Variants in RPGRIP1L observed in about 807,000 individuals in gnomAD.
The protein encoded by RPGRIP1L is RPGRIP1 like.
In RPGRIP1L, 131 loss-of-function variants were observed where a neutral mutation model predicts 160.4. The observed-to-expected ratio is 0.82, with a 90% CI of 0.71 to 0.94. The LOEUF is 0.94. Ranked by LOEUF, RPGRIP1L falls within the 40% of genes least tolerant of loss-of-function variation. The pLI is 0.00. For synonymous variants in RPGRIP1L, 510 were observed against 515.8 expected (o/e 0.99, Z 0.15); for missense variants, 1,522 against 1,535.8 (o/e 0.99, Z 0.15).
Position 53,658,792 on chromosome 16 carries a change from G to T in RPGRIP1L, c.1330C>A (p.Arg444Ser). The T allele has an allele frequency of 6.2e-7, 1 of 1,601,898 alleles. No individual in the cohort carries two copies. Among genetic ancestry groups the T allele is most frequent in the Non-Finnish European group, 8.5e-7 (1 of 1,171,502 alleles). Residue 444 changes from arginine (R) to serine (S), a missense_variant, in exon 11 of 27, where the codon CGC (arginine) becomes AGC (serine). Arg to Ser is a moderately radical substitution (Grantham distance 110, BLOSUM62 -1). Coordinates refer to ENST00000647211, the MANE Select transcript of RPGRIP1L (RefSeq NM_015272.5). ...TTCACCTGGTTGTACAATTTTATGC[G>T]TTTTTTAAGTTCATCAAGTTGTTGC... The part of the protein sequence containing the change: ...QKQQLDELKK[R>S]IKLYNQENDI...
intron 24 of RPGRIP1L, among the ~76,000 whole-genome samples, chr16:53,617,461 A>T (rs1440796681): frequency 6.6e-6 from 1 of 152,188 alleles, no homozygotes; most frequent in East Asian, 1.9e-4. Flanking sequence ...GATGATTTCC[A>T]AGAAGCCTGA....
chr16:53,696,380 C>T (rs1970760920), intron 2 of RPGRIP1L, 85 bp from the exon 3 acceptor site: 1 of 1,383,820 alleles, frequency 7.2e-7, no homozygotes, highest in Non-Finnish European at 1.0e-6. Flanking sequence ...CTCTGATGCA[C>T]TCATCTGAGA....
intron 6 of RPGRIP1L, 76 bp from the exon 7 acceptor site, chr16:53,675,198 C>T (rs1052320176): frequency 1.1e-6 from 1 of 893,060 alleles, no homozygotes; most frequent in Non-Finnish European, 1.8e-6. Flanking sequence ...GGTGGAATCA[C>T]AATTTTTCAA....
Position 53,658,495 on chromosome 16 carries a change from A to G in RPGRIP1L, c.1351-31T>C, listed in dbSNP as rs772027880. Reference sequence around the variant, plus strand: ...ATAGATTAAGTAAAAGCTCACAATGAGTTATGAATGGAAAATACAAGAGAC... The same window carrying G: ...ATAGATTAAGTAAAAGCTCACAATGGGTTATGAATGGAAAATACAAGAGAC... On this transcript the variant is annotated intron_variant, in intron 11 of 26. Transcript: ENST00000647211. The G allele has an allele frequency of 4.6e-6, 7 of 1,524,730 alleles. No homozygotes were observed. In the Admixed American group the frequency reaches 1.2e-4, roughly 25 times the overall value. The allele number at this position is 1,524,730 out of a possible 1,614,324, so 94.5% of individuals were successfully genotyped here.
intron 9 of RPGRIP1L, 114 bp downstream of exon 9, chr16:53,671,396 C>T (rs188963659): frequency 5.1e-5 from 36 of 706,750 alleles, no homozygotes; most frequent in Non-Finnish European, 8.5e-5. Context: ...ATATTTCTTG[C>T]TATCATTTGT....
chr16:53,684,152 A>T (rs1177574270), intron 6 of RPGRIP1L, among the ~76,000 whole-genome samples: 1 of 152,224 alleles, frequency 6.6e-6, no homozygotes, highest in Non-Finnish European at 1.5e-5. Flanking sequence ...GTGGGACTGG[A>T]AACTAGTTCA....
chr16:53,658,629 T>A lies in RPGRIP1L; in HGVS notation c.1350+143A>T. On this transcript the variant is annotated intron_variant, in intron 11 of 26. Transcript: ENST00000647211. ...TGCTTCAAAATGTCCCTATGGAACATAAACTACCTGATAGCATGAGTTAAT... is the reference window on the plus strand; with the variant it reads ...TGCTTCAAAATGTCCCTATGGAACAAAAACTACCTGATAGCATGAGTTAAT... The A allele has an allele frequency of 2.4e-6, 2 of 842,676 alleles. 1 individual carries two copies. Among genetic ancestry groups the A allele is most frequent in the Middle Eastern group, 6.8e-4 (2 of 2,922 alleles). The allele number at this position is 842,676 out of a possible 1,614,324, so 52.2% of individuals were successfully genotyped here.
chr16:53,624,093 T>C (rs1361540523), intron 22 of RPGRIP1L, among the ~76,000 whole-genome samples: 2 of 152,134 alleles, frequency 1.3e-5, no homozygotes, highest in African/African-American at 4.8e-5. Flanking sequence ...GGTTTCACTA[T>C]GTTGCCCGGA....
chr16:53,696,516 GAAT>G (rs1328022498), intron 2 of RPGRIP1L, among the ~76,000 whole-genome samples: 1 of 152,108 alleles, frequency 6.6e-6, no homozygotes, highest in African/African-American at 2.4e-5. Flanking sequence ...TTAGGAATTT[GAAT>G]AACAATAGTA....
At chr16:53,602,870 A>G (rs1181110519) in intron 26 of RPGRIP1L, among the ~76,000 whole-genome samples, 2 of 152,230 alleles carry the variant, frequency 1.3e-5, no homozygotes. Context: ...AAACCACTGT[A>G]CAGATGTTAC....
intron 24 of RPGRIP1L, among the ~76,000 whole-genome samples, chr16:53,614,574 A>G (rs1183526874): frequency 1.3e-5 from 2 of 152,170 alleles, no homozygotes; most frequent in Non-Finnish European, 2.9e-5. Context: ...TGGGTTGAAT[A>G]CCGTGGGAAA....
Position 53,605,527 on chromosome 16 carries a change from G to A in RPGRIP1L, c.3789C>T (p.Ala1263=), listed in dbSNP as rs1963626162. 3.7e-6 allele frequency: 6 copies of A among 1,614,036 alleles called. No homozygotes were observed. Among genetic ancestry groups the A allele is most frequent in the Middle Eastern group, 1.6e-4 (1 of 6,062 alleles). ...GGTCCCTCCCTTCCTGAAACATGTCGGCAAGGTCGACGTGAGCCACGCCAA... is the reference window on the plus strand; with the variant it reads ...GGTCCCTCCCTTCCTGAAACATGTCAGCAAGGTCGACGTGAGCCACGCCAA... The part of the protein sequence containing the change: ...EDIGVAHVDL[A]DMFQEGRDLI... The change falls in exon 26 of 27, where the codon GCC becomes GCT. Residue 1263 remains alanine, a synonymous_variant. Transcript: ENST00000647211.
chr16:53,611,114 C>G lies in RPGRIP1L; in HGVS notation c.3617-63G>C, dbSNP rs1471145922. The G allele has an allele frequency of 1.6e-5, 18 of 1,107,836 alleles. No homozygotes were observed. In the Admixed American group the frequency reaches 3.1e-4, roughly 19 times the overall value. 68.6% of individuals were successfully genotyped at this position (1,107,836 alleles called of 1,614,324 possible). ...ACTCAGGAATAGGCTACATTAGTAC[C>G]ATTCTGTATTTTTAAAAATACCTGT... On this transcript the variant is annotated intron_variant, in intron 24 of 26. Transcript: ENST00000647211.
chr16:53,702,801 T>C (rs1971558596), intron 1 of RPGRIP1L, among the ~76,000 whole-genome samples: 1 of 151,964 alleles, frequency 6.6e-6, no homozygotes, highest in South Asian at 2.1e-4. Flanking sequence ...TACATGTGCG[T>C]GCCACCAAGC....
At chr16:53,658,376 T>C (rs372246513) in intron 12 of RPGRIP1L, 38 bp downstream of exon 12, 13 of 1,476,952 alleles carry the variant, frequency 8.8e-6, no homozygotes, top group Non-Finnish European at 1.2e-5. Context: ...AACAGTTGTA[T>C]GCAGACATGA....
At chr16:53,607,933 C>T (rs1598210456) in intron 25 of RPGRIP1L, 1 of 975,132 alleles carries the variant, frequency 1.0e-6, no homozygotes, top group East Asian at 1.1e-4. Flanking sequence ...TCAACACTGC[C>T]AAAACAAAAA....
At position 53,601,956 on chromosome 16, in the gene RPGRIP1L, C is replaced by T. The variant is rs1042519032; in HGVS notation, c.*120G>A. On this transcript the variant is annotated 3_prime_UTR_variant, in exon 27 of 27. Transcript: ENST00000647211. ...TCAACACTTCAAACCCAGGTCTCCC[C>T]GCTCCCAGCTTCCCATGAATTATAG... 30 of 710,326 alleles carry T rather than the reference C, an allele frequency of 4.2e-5. No homozygotes were observed. The highest frequency in any genetic ancestry group is 6.7e-5 in the Non-Finnish European group (26 of 390,712). 44.0% of individuals were successfully genotyped at this position (710,326 alleles called of 1,614,324 possible).
intron 23 of RPGRIP1L, among the ~76,000 whole-genome samples, chr16:53,621,635 GA>G (rs1381489040): frequency 6.6e-6 from 1 of 151,998 alleles, no homozygotes; most frequent in African/African-American, 2.4e-5. Context: ...TCTAAATAAA[GA>G]ATTTTCCAAA....
intron 22 of RPGRIP1L, among the ~76,000 whole-genome samples, chr16:53,624,543 A>T (rs1964949525): frequency 7.0e-6 from 1 of 143,032 alleles, no homozygotes; most frequent in Non-Finnish European, 1.5e-5. Flanking sequence ...GACTCCACCT[A>T]AAAAAAAAAA....
Sources: allele counts gnomAD v4.1 joint callset (sites outside exome capture counted in the v4.1 genomes callset), GRCh38; gene constraint gnomAD v4.1.1; transcripts MANE v1.5; gene names NCBI Gene and HGNC (gene_info 2026-07-23, HGNC 2026-07-21).